The following ACER2 variants were observed in gnomAD, a reference collection of about 807,000 sequenced individuals.
ACER2 encodes alkCDase 2.
A neutral mutation model predicts 34.7 loss-of-function variants in ACER2; 26 were observed. That is an observed-to-expected ratio of 0.75 (90% CI 0.55 to 1.04). ACER2 has a LOEUF of 1.04. Among genes scored for constraint, ACER2 ranks in the 50% least tolerant of loss-of-function variants. The pLI, the probability that ACER2 is intolerant of heterozygous loss-of-function variation, is 0.00. For synonymous variants in ACER2, 138 were observed against 132.1 expected (o/e 1.04, Z -0.31); for missense variants, 352 against 340.8 (o/e 1.03, Z -0.26).
chr9:19,413,603 GAAAAAAA>G (rs11346520), intron 1 of ACER2, among the ~76,000 whole-genome samples: 1 of 125,654 alleles, frequency 8.0e-6, no homozygotes, highest in Non-Finnish European at 1.8e-5. Flanking sequence ...CCATCTTAAG[GAAAAAAA>G]AAAAAAAAAG....
chr9:19,424,773 G>T lies in ACER2; in HGVS notation c.297G>T (p.Trp99Cys). 1.2e-6 allele frequency: 2 copies of T among 1,614,054 alleles called. No homozygotes were observed. Among genetic ancestry groups the T allele is most frequent in the Non-Finnish European group, 1.7e-6 (2 of 1,180,012 alleles). ...GQMLDELAVL[W>C]VLMCALAMWF... ...TGCTTGATGAACTTGCAGTCCTTTG[G>T]GTTCTGATGTGTGCTTTGGCCATGT... Residue 99 changes from tryptophan (W) to cysteine (C), a missense_variant, in exon 3 of 6, where the codon TGG (tryptophan) becomes TGT (cysteine). Physicochemically the swap from Trp to Cys is radical, Grantham distance 215. Coordinates refer to ENST00000340967, the MANE Select transcript of ACER2 (RefSeq NM_001010887.3).
chr9:19,446,780 GT>G, intron 5 of ACER2: 1 of 414,230 alleles, frequency 2.4e-6, no homozygotes, highest in Non-Finnish European at 3.2e-6. Context: ...AAGAGGTGAT[GT>G]GAGGGCTGGG....
In ACER2 at chr9:19,451,388, T is replaced by C. The variant is rs1563896124; in HGVS notation, c.*752T>C. On this transcript the variant is annotated 3_prime_UTR_variant, in exon 6 of 6. Transcript: ENST00000340967. The stretch of plus-strand genomic sequence containing the variant: ...ACACAGGACTTGTGGCTAAAAAGGC[T>C]AGTTTTTCACTTGCATTTCTCAACT... 6.6e-6 allele frequency: 1 copy of C among 152,666 alleles called. No homozygotes were observed. Among genetic ancestry groups the C allele is most frequent in the Non-Finnish European group, 1.5e-5 (1 of 68,050 alleles). The allele number at this position is 152,666 out of a possible 1,614,324, so 9.5% of individuals were successfully genotyped here.
At chr9:19,421,515 C>A (rs1172613906) in intron 1 of ACER2, among the ~76,000 whole-genome samples, 1 of 151,896 alleles carries the variant, frequency 6.6e-6, no homozygotes, top group Non-Finnish European at 1.5e-5. Context: ...TGTATGATTC[C>A]ATTTATGTTA....
At chr9:19,435,606 G>C (rs1024171509) in intron 4 of ACER2, among the ~76,000 whole-genome samples, 1 of 152,192 alleles carries the variant, frequency 6.6e-6, no homozygotes, top group Non-Finnish European at 1.5e-5. Context: ...GCAAAAATCA[G>C]CTGGGCATGG....
chr9:19,415,308 T>A (rs901676012), intron 1 of ACER2, among the ~76,000 whole-genome samples: 4 of 152,060 alleles, frequency 2.6e-5, no homozygotes, highest in Non-Finnish European at 2.9e-5. Context: ...CTGGCCAACA[T>A]GGTGAAACCT....
intron 1 of ACER2, among the ~76,000 whole-genome samples, chr9:19,420,835 G>A (rs1030096774): frequency 1.3e-5 from 2 of 152,142 alleles, no homozygotes; most frequent in African/African-American, 2.4e-5. Flanking sequence ...CTCACATGGT[G>A]GGAAGGGTGA....
At chr9:19,444,626 G>A (rs1490043924) in intron 4 of ACER2, among the ~76,000 whole-genome samples, 1 of 152,220 alleles carries the variant, frequency 6.6e-6, no homozygotes, top group African/African-American at 2.4e-5. Flanking sequence ...GCACTGAGGG[G>A]AGACCTATAG....
intron 1 of ACER2, among the ~76,000 whole-genome samples, chr9:19,422,921 A>G (rs1830447423): frequency 6.6e-6 from 1 of 151,434 alleles, no homozygotes; most frequent in Admixed American, 6.6e-5. Context: ...AATCCCAACT[A>G]CTCGGGAGGC....
At chr9:19,424,179 G>C (rs986581259) in intron 2 of ACER2, among the ~76,000 whole-genome samples, 12 of 152,198 alleles carry the variant, frequency 7.9e-5, no homozygotes, top group Non-Finnish European at 1.6e-4. Flanking sequence ...GTGCATTTGA[G>C]ACTTCATTTG....
chr9:19,416,912 A>G (rs1221326500), intron 1 of ACER2, among the ~76,000 whole-genome samples: 1 of 152,306 alleles, frequency 6.6e-6, no homozygotes, highest in East Asian at 1.9e-4. Flanking sequence ...TTCTTAAATG[A>G]TTCCACTGAA....
intron 4 of ACER2, among the ~76,000 whole-genome samples, chr9:19,443,790 G>A (rs1467399557): frequency 6.6e-6 from 1 of 152,104 alleles, no homozygotes; most frequent in Non-Finnish European, 1.5e-5. Context: ...CCAAGTAGCT[G>A]GGATTACAGG....
intron 3 of ACER2, among the ~76,000 whole-genome samples, chr9:19,432,715 A>G (rs1830796586): frequency 6.8e-6 from 1 of 147,980 alleles, no homozygotes; most frequent in Non-Finnish European, 1.5e-5. Context: ...TATAAAATAT[A>G]TAATATATAT....
chr9:19,413,551 G>C (rs1830151968), intron 1 of ACER2, among the ~76,000 whole-genome samples: 1 of 149,436 alleles, frequency 6.7e-6, no homozygotes, highest in African/African-American at 2.5e-5. Flanking sequence ...AGTGAGCCAA[G>C]ATGAGGCCAC....
At chr9:19,424,945 A>T (rs1830515260) in intron 3 of ACER2, 104 bp downstream of exon 3, 16 of 1,403,560 alleles carry the variant, frequency 1.1e-5, no homozygotes, top group Admixed American at 2.2e-5. Flanking sequence ...CAGCCTAGTG[A>T]TGAGCTTATC....
Position 19,424,728 on chromosome 9 carries a change from C to T in ACER2, c.252C>T (p.Thr84=), listed in dbSNP as rs200667920. 6.2e-6 allele frequency: 10 copies of T among 1,613,894 alleles called. No individual in the cohort carries two copies. Among genetic ancestry groups the T allele is most frequent in the Middle Eastern group, 1.7e-4 (1 of 5,962 alleles). The change falls in exon 3 of 6, where the codon ACC becomes ACT. Residue 84 remains threonine (T), a synonymous_variant. Transcript: ENST00000340967. ...VGIGSVYFHA[T]LSFLGQMLDE... is the part of the protein sequence containing the mutation. ...TTGGATCCGTCTACTTCCATGCAAC[C>T]CTTAGTTTCTTGGGTCAGATGCTTG...
At chr9:19,424,101 A>C (rs1216631658) in intron 2 of ACER2, 125 bp downstream of exon 2, 5 of 946,488 alleles carry the variant, frequency 5.3e-6, no homozygotes, top group African/African-American at 3.3e-5. Context: ...CTGAGGTCTT[A>C]GCAAACTTTT....
chr9:19,435,823 G>A (rs930319954), intron 4 of ACER2, among the ~76,000 whole-genome samples: 1 of 151,846 alleles, frequency 6.6e-6, no homozygotes, highest in African/African-American at 2.4e-5. Context: ...GCCGAGGAGG[G>A]CGGATCACGA....
At chr9:19,446,144 CT>C in intron 4 of ACER2, 136 bp from the exon 5 acceptor site, 1 of 1,203,160 alleles carries the variant, frequency 8.3e-7, no homozygotes. Flanking sequence ...TGTGGAGTGA[CT>C]GTGTGTTGGG....
Sources: allele counts gnomAD v4.1 joint callset (sites outside exome capture counted in the v4.1 genomes callset), GRCh38; gene constraint gnomAD v4.1.1; transcripts MANE v1.5; gene names NCBI Gene and HGNC (gene_info 2026-07-23, HGNC 2026-07-21).